Variants in HNRNPR observed in about 807,000 individuals in gnomAD.
The protein encoded by HNRNPR is heterogeneous nuclear ribonucleoprotein R.
HNRNPR carries 4 observed loss-of-function variants against 70.3 expected under a neutral mutation model. That is an observed-to-expected ratio of 0.06 (90% CI 0.03 to 0.13). HNRNPR has a LOEUF of 0.13. Ranked by LOEUF, HNRNPR falls within the 10% of genes least tolerant of loss-of-function variation. The pLI, the probability that HNRNPR is intolerant of heterozygous loss-of-function variation, is 1.00. For missense variants in HNRNPR, 423 were observed against 788.5 expected (o/e 0.54, Z 5.55); for synonymous variants, 241 against 267.6 (o/e 0.90, Z 0.97).
At chr1:23,334,103 G>C (rs893294499) in intron 4 of HNRNPR, among the ~76,000 whole-genome samples, 6 of 151,810 alleles carry the variant, frequency 4.0e-5, no homozygotes, top group Non-Finnish European at 8.8e-5. Context: ...TAGTAGAGAT[G>C]GGGTTTCACC....
At chr1:23,336,104 G>A (rs1196161203) in intron 4 of HNRNPR, among the ~76,000 whole-genome samples, 38 of 45,124 alleles carry the variant, frequency 8.4e-4, no homozygotes, top group Non-Finnish European at 7.0e-4. Flanking sequence ...GCGACAGAGC[G>A]AGACTCCGTC....
chr1:23,323,945 A>G (rs1307285531), intron 5 of HNRNPR, among the ~76,000 whole-genome samples: 1 of 152,144 alleles, frequency 6.6e-6, no homozygotes, highest in Non-Finnish European at 1.5e-5. Context: ...TGAAAAATGG[A>G]AACTAATAAG....
chr1:23,311,479 CACAA>C (rs1341118025), intron 9 of HNRNPR, among the ~76,000 whole-genome samples, 157 bp from the exon 10 acceptor site: 1 of 152,056 alleles, frequency 6.6e-6, no homozygotes, highest in African/African-American at 2.4e-5. Context: ...GAAAGTTAAA[CACAA>C]ACACACAAAG....
chr1:23,335,511 G>A (rs981371970), intron 4 of HNRNPR, among the ~76,000 whole-genome samples: 2 of 152,168 alleles, frequency 1.3e-5, no homozygotes, highest in East Asian at 1.9e-4. Flanking sequence ...CCCTATCATT[G>A]GCATTACTGC....
chr1:23,323,843 G>A, intron 5 of HNRNPR, 111 bp from the exon 6 acceptor site: 2 of 822,366 alleles, frequency 2.4e-6, no homozygotes, highest in Non-Finnish European at 4.0e-6. Context: ...GGTTAAGAAA[G>A]AATGGAAACA....
At chr1:23,326,601 A>G (rs1317904931) in intron 5 of HNRNPR, among the ~76,000 whole-genome samples, 6 of 152,170 alleles carry the variant, frequency 3.9e-5, no homozygotes, top group Non-Finnish European at 5.9e-5. Context: ...CCTGGCCAAC[A>G]TGGTGAAACC....
chr1:23,313,712 A>G lies in HNRNPR; in HGVS notation c.1018-10T>C. ...CAAACAAAACTTTTACCTAGTAAGC[A>G]ACAAATAAACAAAACCGTCATTGGC... is the stretch of plus-strand genomic sequence containing the variant. On this transcript the variant is annotated splice_polypyrimidine_tract_variant and intron_variant, in intron 8 of 10. Coordinates refer to ENST00000302271, the MANE Select transcript of HNRNPR (RefSeq NM_005826.5). 1 of 1,598,576 alleles carries G rather than the reference A, an allele frequency of 6.3e-7. No individual in the cohort carries two copies. Among genetic ancestry groups the G allele is most frequent in the South Asian group, 1.1e-5 (1 of 87,164 alleles).
Position 23,333,453 on chromosome 1 carries a change from C to A in HNRNPR, c.498+65G>T, listed in dbSNP as rs541577519. Reference sequence around the variant, plus strand: ...GAATTTTCCCCCGTCTGTACAGTATCTGCATAGTAGATAAAACACTTTCCA... The same window carrying A: ...GAATTTTCCCCCGTCTGTACAGTATATGCATAGTAGATAAAACACTTTCCA... On this transcript the variant is annotated intron_variant, in intron 5 of 10. Transcript: ENST00000302271. 41 of 949,808 alleles carry A rather than the reference C, an allele frequency of 4.3e-5. No homozygotes were observed. In the South Asian group the frequency reaches 5.2e-4, roughly 12 times the overall value. The allele number at this position is 949,808 out of a possible 1,614,324, so 58.8% of individuals were successfully genotyped here. A position where few individuals can be genotyped will look rare whatever the true frequency, so the allele number is the denominator to read the frequency against.
intron 1 of HNRNPR, among the ~76,000 whole-genome samples, chr1:23,343,810 TCTCGG>T (rs1405831000): frequency 6.8e-6 from 1 of 147,670 alleles, no homozygotes; most frequent in Non-Finnish European, 1.5e-5. Flanking sequence ...AGCACATCCC[TCTCGG>T]GCTAGGCCGG....
rs371701269 is a variant in HNRNPR, at chr1:23,321,583, G to A, written c.756C>T (p.Ser252=). Residue 252 remains serine (S), a synonymous_variant, in exon 7 of 11, where the codon TCC becomes TCT. Transcript: ENST00000302271. ...SVANNRLFVG[S]IPKNKTKENI... Reference sequence around the variant, plus strand: ...TTTCTTTAGTCTTATTCTTCGGAATGGATCCAACAAAAAGTCTGTTGTTTG... The same window carrying A: ...TTTCTTTAGTCTTATTCTTCGGAATAGATCCAACAAAAAGTCTGTTGTTTG... 1.6e-5 allele frequency: 26 copies of A among 1,613,470 alleles called. No individual in the cohort carries two copies. Among genetic ancestry groups the A allele is most frequent in the African/African-American group, 4.0e-5 (3 of 74,900 alleles).
chr1:23,335,941 C>T (rs1344932318), intron 4 of HNRNPR, among the ~76,000 whole-genome samples: 1 of 146,024 alleles, frequency 6.8e-6, no homozygotes, highest in East Asian at 2.0e-4. Flanking sequence ...AATGGTGAAA[C>T]CCCGTCTCTA....
At chr1:23,335,140 G>C (rs1471469860) in intron 4 of HNRNPR, among the ~76,000 whole-genome samples, 2 of 151,878 alleles carry the variant, frequency 1.3e-5, no homozygotes, top group African/African-American at 2.4e-5. Context: ...GGATGGTCTC[G>C]ATCTCCTGAC....
chr1:23,332,698 T>C (rs1474851769), intron 5 of HNRNPR, among the ~76,000 whole-genome samples: 1 of 105,104 alleles, frequency 9.5e-6, no homozygotes, highest in Admixed American at 1.1e-4. Flanking sequence ...AAAAATTCCA[T>C]CTCAAAAAAA....
At position 23,307,465 on chromosome 1, in the gene HNRNPR, G is replaced by C. The variant is rs1391336676; in HGVS notation, c.*2989C>G. 2 of 151,728 alleles carry C rather than the reference G, an allele frequency of 1.3e-5. No homozygotes were observed. The highest frequency in any genetic ancestry group is 2.9e-5 in the Non-Finnish European group (2 of 67,888). 9.4% of individuals were successfully genotyped at this position (151,728 alleles called of 1,614,324 possible). ...ATCTCCTACTATCAGAAAGCATTGGGCTTTCTTATGCAGAATAACCCCAGT... is the reference window on the plus strand; with the variant it reads ...ATCTCCTACTATCAGAAAGCATTGGCCTTTCTTATGCAGAATAACCCCAGT... On this transcript the variant is annotated 3_prime_UTR_variant, in exon 11 of 11. Coordinates refer to ENST00000302271, the MANE Select transcript of HNRNPR (RefSeq NM_005826.5).
intron 4 of HNRNPR, among the ~76,000 whole-genome samples, chr1:23,337,190 GAAACT>G (rs1187030450): frequency 6.6e-5 from 10 of 152,170 alleles, no homozygotes; most frequent in African/African-American, 2.4e-4. Context: ...ATCAATCCAA[GAAACT>G]ACCAGCGAAG....
intron 2 of HNRNPR, 65 bp downstream of exon 2, chr1:23,340,787 A>G (rs1646680559): frequency 2.3e-6 from 3 of 1,301,954 alleles, no homozygotes; most frequent in Non-Finnish European, 3.2e-6. Context: ...TTAAAAAACT[A>G]TAAAATTCAA....
chr1:23,329,135 T>C (rs1330364572), intron 5 of HNRNPR, among the ~76,000 whole-genome samples: 5 of 152,006 alleles, frequency 3.3e-5, no homozygotes, highest in African/African-American at 7.3e-5. Context: ...TAAATAAATA[T>C]AGAAGAAACA....
At chr1:23,315,885 G>A (rs1645524458) in intron 8 of HNRNPR, among the ~76,000 whole-genome samples, 1 of 152,048 alleles carries the variant, frequency 6.6e-6, no homozygotes, top group Non-Finnish European at 1.5e-5. Flanking sequence ...ATGTTACACA[G>A]ACTCCCACTG....
At chr1:23,320,892 C>A (rs973372889) in intron 7 of HNRNPR, among the ~76,000 whole-genome samples, 4 of 152,092 alleles carry the variant, frequency 2.6e-5, no homozygotes, top group Non-Finnish European at 5.9e-5. Flanking sequence ...ATCAGCCAGG[C>A]ACTGTGGCTC....
Sources: gnomAD v4.1 joint callset for allele counts (sites outside exome capture counted in the v4.1 genomes callset) on GRCh38, gnomAD v4.1.1 for gene constraint, MANE v1.5 for transcripts, NCBI Gene and HGNC (gene_info 2026-07-23, HGNC 2026-07-21) for gene names.